The following WDHD1 variants were observed in gnomAD, a reference collection of about 807,000 sequenced individuals.
WDHD1 encodes the protein WD repeat and HMG-box DNA-binding protein 1.
Under a neutral mutation model 135.4 loss-of-function variants are expected in WDHD1, and 111 were observed. The observed-to-expected ratio is 0.82, with a 90% CI of 0.70 to 0.96. The LOEUF is 0.96. Ranked by LOEUF, WDHD1 falls within the 40% of genes least tolerant of loss-of-function variation. The pLI, the probability that WDHD1 is intolerant of heterozygous loss-of-function variation, is 0.00. For missense variants in WDHD1, 1,351 were observed against 1,336.3 expected (o/e 1.01, Z -0.17); for synonymous variants, 434 against 439.0 (o/e 0.99, Z 0.14).
chr14:54,944,141 T>C (rs2040881413), intron 25 of WDHD1, among the ~76,000 whole-genome samples, 191 bp downstream of exon 25: 1 of 152,122 alleles, frequency 6.6e-6, no homozygotes, highest in Non-Finnish European at 1.5e-5. Context: ...TTATTATTAT[T>C]ATTAGAGACG....
rs531497592 is a variant in WDHD1 at position 54,994,626 on chromosome 14, T to C, written c.1153+977A>G. Among the ~76,000 whole-genome samples, 230 of 152,202 alleles carry C rather than the reference T, an allele frequency of 1.5e-3. 1 individual carries two copies. Among genetic ancestry groups the C allele is most frequent in the African/African-American group, 5.4e-3 (223 of 41,522 alleles). The stretch of plus-strand genomic sequence containing the variant: ...AAATACAAAAATTAGCCAGGCGTGG[T>C]GGCGCATGCCTGTAATCCCAGCTAC... On this transcript the variant is annotated intron_variant, in intron 11 of 25. Coordinates refer to ENST00000360586, the MANE Select transcript of WDHD1 (RefSeq NM_007086.4).
chr14:55,001,140 T>C lies in WDHD1; in HGVS notation c.694-148A>G, dbSNP rs542200049. On this transcript the variant is annotated intron_variant, in intron 8 of 25. Transcript: ENST00000360586. Reference sequence around the variant, plus strand: ...TTCAAATTTTTATATCCCTGTTCTATATTATTTCTAATTATATTCGATACA... The same window carrying C: ...TTCAAATTTTTATATCCCTGTTCTACATTATTTCTAATTATATTCGATACA... The C allele has an allele frequency of 9.0e-6, 4 of 443,664 alleles. No homozygotes were observed. In the East Asian group the frequency reaches 1.1e-4, roughly 12 times the overall value. 27.5% of individuals were successfully genotyped at this position (443,664 alleles called of 1,614,324 possible).
At chr14:54,989,989 G>A (rs113186686) in intron 12 of WDHD1, among the ~76,000 whole-genome samples, 17 of 152,064 alleles carry the variant, frequency 1.1e-4, no homozygotes, top group African/African-American at 3.9e-4. Context: ...GATACCACTT[G>A]GAAAACTTAT....
chr14:54,944,184 A>T, intron 25 of WDHD1, 148 bp downstream of exon 25: 2 of 826,458 alleles, frequency 2.4e-6, no homozygotes, highest in Non-Finnish European at 3.7e-6. Flanking sequence ...CTGGTCACGA[A>T]CTCCTGAGCT....
intron 7 of WDHD1, among the ~76,000 whole-genome samples, chr14:55,003,019 T>C (rs926320120): frequency 6.6e-6 from 1 of 152,222 alleles, no homozygotes; most frequent in African/African-American, 2.4e-5. Context: ...TTATGCATTA[T>C]TCTGAAGAAA....
intron 8 of WDHD1, 24 bp downstream of exon 8, chr14:55,002,069 A>C (rs188873882): frequency 7.8e-6 from 12 of 1,537,296 alleles, no homozygotes; most frequent in Non-Finnish European, 9.8e-6. Context: ...TAGCCCACTG[A>C]AAGTGTCACT....
chr14:54,965,855 T>C (rs1166843302), intron 18 of WDHD1, among the ~76,000 whole-genome samples: 4 of 151,034 alleles, frequency 2.6e-5, no homozygotes, highest in African/African-American at 9.8e-5. Context: ...ACTCGGAAGG[T>C]TGAGGCAGGA....
At chr14:54,966,777 T>C (rs2878173) in intron 17 of WDHD1, among the ~76,000 whole-genome samples, 171 bp from the exon 18 acceptor site, 4 of 152,204 alleles carry the variant, frequency 2.6e-5, no homozygotes, top group South Asian at 2.1e-4. Context: ...CTTAACTTTT[T>C]CCCCTATCCT....
intron 16 of WDHD1, among the ~76,000 whole-genome samples, chr14:54,975,781 CCT>C (rs1420281061): frequency 6.6e-5 from 10 of 151,766 alleles, no homozygotes; most frequent in Admixed American, 2.0e-4. Context: ...TCCTCCTGCC[CCT>C]GTCTTTTAAG....
At chr14:55,005,911 C>T (rs2042061284) in intron 7 of WDHD1, among the ~76,000 whole-genome samples, 1 of 152,002 alleles carries the variant, frequency 6.6e-6, no homozygotes, top group Admixed American at 6.6e-5. Flanking sequence ...GTTGCCTAGG[C>T]TGGAGTACAG....
At chr14:54,976,307 G>A (rs923967695) in intron 16 of WDHD1, among the ~76,000 whole-genome samples, 1 of 152,048 alleles carries the variant, frequency 6.6e-6, no homozygotes, top group Non-Finnish European at 1.5e-5. Flanking sequence ...GTATAACCTT[G>A]AACTCCTGGG....
In WDHD1 at chr14:54,982,005, A is replaced by T. The variant is rs144827897; in HGVS notation, c.1907-309T>A. Among the ~76,000 whole-genome samples, 847 of 151,496 alleles carry T rather than the reference A, an allele frequency of 5.6e-3. 9 individuals are homozygous for T. Among genetic ancestry groups the T allele is most frequent in the African/African-American group, 0.019 (795 of 41,348 alleles). ...AATAATTTCATTTATTTATTTATTT[A>T]TTATTATTATTTTTTTTTTCGAGAT... On this transcript the variant is annotated intron_variant, in intron 15 of 25. Transcript: ENST00000360586.
At chr14:55,008,771 T>C in intron 4 of WDHD1, 52 bp from the exon 5 acceptor site, 7 of 1,028,342 alleles carry the variant, frequency 6.8e-6, no homozygotes, top group Non-Finnish European at 8.8e-6. Context: ...CAAAGGCCTC[T>C]CCTAAAAGCT....
In WDHD1 at chr14:54,951,245, C is replaced by T. The variant is rs1007497246; in HGVS notation, c.3050+4316G>A. 1.8e-3 allele frequency among the ~76,000 whole-genome samples: 269 copies of T among 151,208 alleles called. 1 individual carries two copies. The highest frequency in any genetic ancestry group is 5.9e-3 in the African/African-American group (241 of 41,008). On this transcript the variant is annotated intron_variant, in intron 24 of 25. Transcript: ENST00000360586. Reference sequence around the variant, plus strand: ...GAAAAGATCAATAAAACTGATAGACCGCTAGCAAGACTAATAAAGAAGAAA... The same window carrying T: ...GAAAAGATCAATAAAACTGATAGACTGCTAGCAAGACTAATAAAGAAGAAA...
chr14:55,010,547 C>CA (rs1428866263), intron 3 of WDHD1, 87 bp from the exon 4 acceptor site: 5 of 1,175,220 alleles, frequency 4.3e-6, no homozygotes, highest in Admixed American at 3.6e-5. Flanking sequence ...CGGTAAAAAA[C>CA]AAAAAACCTT....
intron 21 of WDHD1, among the ~76,000 whole-genome samples, chr14:54,961,590 A>C (rs1209009906): frequency 6.6e-6 from 1 of 152,204 alleles, no homozygotes; most frequent in Non-Finnish European, 1.5e-5. Flanking sequence ...ACACTCCATG[A>C]GGCCTGCCTT....
chr14:55,014,682 A>G (rs2042231515), intron 2 of WDHD1, among the ~76,000 whole-genome samples: 1 of 152,232 alleles, frequency 6.6e-6, no homozygotes, highest in South Asian at 2.1e-4. Context: ...AAAAAAGCAA[A>G]TAAAAACACA....
intron 24 of WDHD1, among the ~76,000 whole-genome samples, chr14:54,952,335 T>A (rs1182539870): frequency 1.3e-5 from 2 of 152,304 alleles, no homozygotes; most frequent in Non-Finnish European, 2.9e-5. Context: ...GCAAGCATTC[T>A]TATACACCAA....
Position 54,962,722 on chromosome 14 carries a change from T to G in WDHD1, c.2647+16A>C. 1 of 1,612,746 alleles carries G rather than the reference T, an allele frequency of 6.2e-7. No homozygotes were observed. Among genetic ancestry groups the G allele is most frequent in the South Asian group, 1.1e-5 (1 of 91,002 alleles). On this transcript the variant is annotated intron_variant, in intron 20 of 25. Coordinates refer to ENST00000360586, the MANE Select transcript of WDHD1 (RefSeq NM_007086.4). The stretch of plus-strand genomic sequence containing the variant: ...TGATAGTTCTCATGATTTATGGGCT[T>G]GAAAATGTATCTCACCAGGCTTATG...
Sources: gnomAD v4.1 joint callset for allele counts (sites outside exome capture counted in the v4.1 genomes callset) on GRCh38, gnomAD v4.1.1 for gene constraint, MANE v1.5 for transcripts, NCBI Gene and HGNC (gene_info 2026-07-23, HGNC 2026-07-21) for gene names.